The following VCL variants were observed in gnomAD, a reference collection of about 807,000 sequenced individuals.
VCL encodes the protein epididymis luminal protein 114.
In VCL, 47 loss-of-function variants were observed where a neutral mutation model predicts 125.7. That is an observed-to-expected ratio of 0.37 (90% confidence interval 0.30 to 0.48). The LOEUF (loss-of-function observed/expected upper bound fraction) is 0.48. VCL is among the 20% of genes least tolerant of loss of function. The pLI, the probability that VCL is intolerant of heterozygous loss-of-function variation, is 0.99. For synonymous variants in VCL, 458 were observed against 514.6 expected, an observed-to-expected ratio of 0.89 and a Z score of 1.49; for missense variants, 1,069 against 1,455.5, an observed-to-expected ratio of 0.73 and a Z score of 4.32.
intron 1 of VCL, among the ~76,000 whole-genome samples, chr10:74,041,161 A>T (rs1841087486): frequency 7.5e-6 from 1 of 133,138 alleles, no homozygotes; most frequent in African/African-American, 2.5e-5. Flanking sequence ...GATTTTTCTT[A>T]CTCCATTTTT....
At chr10:74,061,812 GTATTTT>G (rs1168695427) in intron 2 of VCL, among the ~76,000 whole-genome samples, 8 of 150,694 alleles carry the variant, frequency 5.3e-5, no homozygotes, top group Admixed American at 4.6e-4. Context: ...AATTCACAGT[GTATTTT>G]TATATCTCAG....
At chr10:74,016,908 A>G (rs923212694) in intron 1 of VCL, 5 of 152,258 alleles carry the variant, frequency 3.3e-5, no homozygotes, top group Admixed American at 1.3e-4. Context: ...GTTTGTATAT[A>G]CTGTATAACA....
At position 74,007,782 on chromosome 10, in the gene VCL, C is replaced by T. The variant is rs1336126697; in HGVS notation, c.168+9407C>T. On this transcript the variant is annotated intron_variant, in intron 1 of 21. Coordinates refer to ENST00000211998, the MANE Select transcript of VCL (RefSeq NM_014000.3). ...AAGTACTGGGATTACAGGCATGAGC[C>T]GCTGCGCTCAGCCTAAATTTTTTTT... 5.3e-5 allele frequency among the ~76,000 whole-genome samples: 8 copies of T among 152,142 alleles called. No individual in the cohort carries two copies. In the South Asian group the frequency reaches 1.0e-3, roughly 20 times the overall value.
intron 1 of VCL, among the ~76,000 whole-genome samples, chr10:74,009,403 C>T (rs888993720): frequency 3.6e-4 from 55 of 151,644 alleles, no homozygotes; most frequent in African/African-American, 9.5e-4. Flanking sequence ...GGACTACAGG[C>T]GCCTGCCACC....
At chr10:74,089,872 C>T (rs1839849528) in intron 9 of VCL, 151 bp from the exon 10 acceptor site, 2 of 877,690 alleles carry the variant, frequency 2.3e-6, no homozygotes, top group African/African-American at 1.7e-5. Flanking sequence ...AGTTTCTTAT[C>T]TAAGAACCTC....
intron 15 of VCL, 37 bp downstream of exon 15, chr10:74,103,965 TGAA>T: frequency 6.3e-7 from 1 of 1,596,158 alleles, no homozygotes; most frequent in Non-Finnish European, 8.6e-7. Context: ...GTCTAATCCA[TGAA>T]GAATGAGTTC....
intron 1 of VCL, chr10:74,027,542 T>A (rs977516296): frequency 6.7e-6 from 1 of 148,826 alleles, no homozygotes; most frequent in Non-Finnish European, 1.5e-5. Context: ...GCACCTGTAG[T>A]CCCAGCTACT....
intron 2 of VCL, among the ~76,000 whole-genome samples, chr10:74,067,407 G>T (rs911523123): frequency 1.3e-5 from 2 of 152,024 alleles, no homozygotes; most frequent in Non-Finnish European, 2.9e-5. Flanking sequence ...GCATTGGTGA[G>T]GATATGGAGA....
At chr10:74,043,434 C>T (rs1841135012) in intron 2 of VCL, among the ~76,000 whole-genome samples, 1 of 151,954 alleles carries the variant, frequency 6.6e-6, no homozygotes, top group Non-Finnish European at 1.5e-5. Context: ...GCAACCTCTG[C>T]CTCTTGGGTT....
chr10:74,047,988 A>G (rs1841220910), intron 2 of VCL, among the ~76,000 whole-genome samples: 1 of 152,210 alleles, frequency 6.6e-6, no homozygotes. Flanking sequence ...CTGCACTGGC[A>G]GATAGAGCTC....
chr10:74,035,471 C>A (rs1170755717), intron 1 of VCL, among the ~76,000 whole-genome samples: 1 of 152,144 alleles, frequency 6.6e-6, no homozygotes, highest in African/African-American at 2.4e-5. Context: ...CCCTGCCAAG[C>A]CCCCTAAAAA....
chr10:74,016,515 G>C (rs1420148981), intron 1 of VCL, among the ~76,000 whole-genome samples: 5 of 152,070 alleles, frequency 3.3e-5, no homozygotes. Flanking sequence ...GGAGGCTGAG[G>C]TGGGAGGATT....
At chr10:74,063,588 C>T (rs1304394068) in intron 2 of VCL, 2 of 152,214 alleles carry the variant, frequency 1.3e-5, no homozygotes, top group South Asian at 2.1e-4. Context: ...AATAAAATAA[C>T]TGTCAACTTA....
intron 18 of VCL, among the ~76,000 whole-genome samples, chr10:74,109,915 C>A (rs1404950790): frequency 6.6e-6 from 1 of 152,058 alleles, no homozygotes; most frequent in East Asian, 1.9e-4. Context: ...GTTTTTATGA[C>A]CCTAGATCTT....
Position 74,097,274 on chromosome 10 carries a change from C to T in VCL, c.1814C>T (p.Pro605Leu). Residue 605 changes from proline (P) to leucine (L), a missense_variant, in exon 13 of 22, where the codon CCC (proline) becomes CTC (leucine). This residue lies in a region of VCL where 760 missense variants were observed against 928.9 expected (regional missense o/e 0.82). Transcript: ENST00000211998. The surrounding 1 kb of genome is among the most constrained non-coding windows in gnomAD (Gnocchi z 4.1). ...GATGTTTTCAGCGATACCACAACTC[C>T]CATCAAGCTGTTGGCAGTGGCAGCC... ...VSDVFSDTTT[P>L]IKLLAVAATA... The T allele has an allele frequency of 1.9e-6, 3 of 1,614,104 alleles. No individual in the cohort carries two copies. Among genetic ancestry groups the T allele is most frequent in the Non-Finnish European group, 2.5e-6 (3 of 1,179,988 alleles).
rs1364192125 is a variant in VCL, at chr10:74,114,170, T to C, written c.2950-14T>C. On this transcript the variant is annotated splice_polypyrimidine_tract_variant and intron_variant, in intron 19 of 21. Coordinates refer to ENST00000211998, the MANE Select transcript of VCL (RefSeq NM_014000.3). ...CGTGGGCAGAGCTCACACTGTATCTTTGCTTCCCTCTAGGGCAATGACATC... is the reference window on the plus strand; with the variant it reads ...CGTGGGCAGAGCTCACACTGTATCTCTGCTTCCCTCTAGGGCAATGACATC... The C allele has an allele frequency of 5.0e-6, 8 of 1,612,554 alleles. No homozygotes were observed. The East Asian group carries it at 6.7e-5, about 13-fold the overall frequency.
chr10:74,104,412 C>T (rs558115691), intron 15 of VCL, among the ~76,000 whole-genome samples: 7 of 152,204 alleles, frequency 4.6e-5, no homozygotes, highest in South Asian at 4.1e-4. Context: ...ACCAGCAAAC[C>T]TGTGTCTGTG....
chr10:74,084,921 A>G (rs879525893), intron 8 of VCL, among the ~76,000 whole-genome samples: 1 of 151,876 alleles, frequency 6.6e-6, no homozygotes, highest in Non-Finnish European at 1.5e-5. Context: ...CAAATTTTTT[A>G]TTTTTAATGA....
intron 1 of VCL, among the ~76,000 whole-genome samples, chr10:74,007,995 G>A (rs755591920): frequency 6.6e-5 from 10 of 151,810 alleles, no homozygotes; most frequent in Non-Finnish European, 1.2e-4. Flanking sequence ...GTAGAGATGG[G>A]GATTCACCAT....
Sources: allele counts gnomAD v4.1 joint callset (sites outside exome capture counted in the v4.1 genomes callset), GRCh38; gene constraint gnomAD v4.1.1; regional missense constraint gnomAD v4.1.1; non-coding constraint Gnocchi (gnomAD v3.1); transcripts MANE v1.5; gene names NCBI Gene and HGNC (gene_info 2026-07-23, HGNC 2026-07-21).